ATF6: variants seen among roughly 807,000 people sequenced by gnomAD.
The protein encoded by ATF6 is cyclic AMP-dependent transcription factor ATF-6 alpha.
ATF6 carries 53 observed loss-of-function variants against 83.6 expected under a neutral mutation model. The observed-to-expected ratio is 0.63, with a 90% CI of 0.51 to 0.80. The LOEUF (loss-of-function observed/expected upper bound fraction) is 0.80. Ranked by LOEUF, ATF6 falls within the 30% of genes least tolerant of loss-of-function variation. ATF6 has a pLI of 0.00. For missense variants in ATF6, 744 were observed against 797.9 expected, an observed-to-expected ratio of 0.93 and a Z score of 0.81; for synonymous variants, 288 against 285.8, an observed-to-expected ratio of 1.01 and a Z score of -0.08.
chr1:161,855,249 G>T (rs1372869173), intron 12 of ATF6, among the ~76,000 whole-genome samples: 1 of 152,156 alleles, frequency 6.6e-6, no homozygotes, highest in Admixed American at 6.5e-5. Context: ...AGAAATTGTT[G>T]TGGTCCATAC....
At chr1:161,836,137 G>A (rs556918341) in intron 9 of ATF6, among the ~76,000 whole-genome samples, 6 of 152,262 alleles carry the variant, frequency 3.9e-5, no homozygotes, top group African/African-American at 1.4e-4. Flanking sequence ...GAGTCATGTG[G>A]AACTGGTTAG....
chr1:161,868,748 TTTAG>T (rs1262803222), intron 14 of ATF6, among the ~76,000 whole-genome samples: 4 of 149,990 alleles, frequency 2.7e-5, no homozygotes, highest in Non-Finnish European at 6.0e-5. Context: ...CAGTAGAAAG[TTTAG>T]TTAAAGATGA....
intron 10 of ATF6, among the ~76,000 whole-genome samples, chr1:161,848,855 C>T (rs1686544549): frequency 6.6e-6 from 1 of 152,046 alleles, no homozygotes; most frequent in African/African-American, 2.4e-5. Flanking sequence ...GTCTAATTGT[C>T]TCCAGATTGT....
chr1:161,875,777 C>G (rs1422477253), intron 14 of ATF6, among the ~76,000 whole-genome samples: 1 of 151,860 alleles, frequency 6.6e-6, no homozygotes, highest in Non-Finnish European at 1.5e-5. Context: ...AAGTGGTTTT[C>G]CTCTAGACAA....
At chr1:161,876,235 C>T (rs909248784) in intron 14 of ATF6, among the ~76,000 whole-genome samples, 1 of 151,898 alleles carries the variant, frequency 6.6e-6, no homozygotes, top group Non-Finnish European at 1.5e-5. Context: ...TTTATAGATT[C>T]TTCCATTTGT....
At chr1:161,809,141 C>T (rs1056027419) in intron 7 of ATF6, among the ~76,000 whole-genome samples, 5 of 152,104 alleles carry the variant, frequency 3.3e-5, no homozygotes, top group Non-Finnish European at 5.9e-5. Flanking sequence ...GTGTGTTGCA[C>T]CCATTAACTC....
chr1:161,860,411 T>G, intron 13 of ATF6, 134 bp downstream of exon 13: 1 of 230,902 alleles, frequency 4.3e-6, no homozygotes, highest in Non-Finnish European at 8.6e-6. Context: ...TACTCTAAGA[T>G]ATATATATAT....
chr1:161,874,871 G>A (rs1687178876), intron 14 of ATF6, among the ~76,000 whole-genome samples: 1 of 151,646 alleles, frequency 6.6e-6, no homozygotes, highest in Admixed American at 6.6e-5. Flanking sequence ...AGGTATGTTT[G>A]CATGTCTGTC....
At chr1:161,912,684 C>T (rs1688015457) in intron 15 of ATF6, among the ~76,000 whole-genome samples, 1 of 152,128 alleles carries the variant, frequency 6.6e-6, no homozygotes, top group Non-Finnish European at 1.5e-5. Flanking sequence ...TAAGAAGCCC[C>T]TGCTGTGTTC....
chr1:161,894,568 A>G (rs796432954), intron 14 of ATF6, among the ~76,000 whole-genome samples: 3 of 96,012 alleles, frequency 3.1e-5, no homozygotes, highest in Admixed American at 3.4e-4. Context: ...ACAGAGTTTC[A>G]CTCTGTCACC....
chr1:161,908,645 C>T (rs1490976978), intron 14 of ATF6, among the ~76,000 whole-genome samples: 6 of 151,376 alleles, frequency 4.0e-5, no homozygotes, highest in African/African-American at 9.7e-5. Flanking sequence ...CTAAGCCCTA[C>T]GGAAAGCCTC....
At chr1:161,876,650 T>G (rs1313255439) in intron 14 of ATF6, among the ~76,000 whole-genome samples, 6 of 152,048 alleles carry the variant, frequency 3.9e-5, no homozygotes, top group Non-Finnish European at 8.8e-5. Context: ...TTTTGTTGCA[T>G]AAGCGACAAG....
At chr1:161,821,465 T>C (rs1685761501) in intron 9 of ATF6, among the ~76,000 whole-genome samples, 1 of 152,180 alleles carries the variant, frequency 6.6e-6, no homozygotes, top group South Asian at 2.1e-4. Context: ...TCGATACATT[T>C]TTTGTTGAGT....
chr1:161,873,822 C>T (rs1687161251), intron 14 of ATF6, among the ~76,000 whole-genome samples: 1 of 151,570 alleles, frequency 6.6e-6, no homozygotes, highest in African/African-American at 2.4e-5. Flanking sequence ...CTATCTTAGT[C>T]ATGACTTTGT....
intron 14 of ATF6, among the ~76,000 whole-genome samples, chr1:161,868,607 A>G (rs538869524): frequency 1.3e-5 from 2 of 152,154 alleles, no homozygotes; most frequent in South Asian, 4.2e-4. Flanking sequence ...AGCCATTGAG[A>G]GAAGTCACAG....
chr1:161,939,223 TAGTTCTC>T (rs1688597197), intron 15 of ATF6, among the ~76,000 whole-genome samples: 1 of 152,232 alleles, frequency 6.6e-6, no homozygotes, highest in South Asian at 2.1e-4. Flanking sequence ...CATTAGATGC[TAGTTCTC>T]AGTCTCATTT....
chr1:161,854,374 G>A (rs1271714586), intron 12 of ATF6, among the ~76,000 whole-genome samples: 2 of 152,212 alleles, frequency 1.3e-5, no homozygotes, highest in Admixed American at 6.5e-5. Flanking sequence ...GGAAGAAAGA[G>A]TTTGGTGGAT....
intron 4 of ATF6, among the ~76,000 whole-genome samples, chr1:161,789,070 C>T (rs765938573): frequency 2.0e-5 from 3 of 151,834 alleles, no homozygotes; most frequent in Non-Finnish European, 2.9e-5. Flanking sequence ...TGTTTTGACA[C>T]AGGCATGCAA....
At chr1:161,938,813 C>T (rs530030585) in intron 15 of ATF6, among the ~76,000 whole-genome samples, 1 of 152,328 alleles carries the variant, frequency 6.6e-6, no homozygotes, top group South Asian at 2.1e-4. Context: ...GTAACTTCTT[C>T]ATACTGTATT....
Sources: gnomAD v4.1 joint callset for allele counts (sites outside exome capture counted in the v4.1 genomes callset) on GRCh38, gnomAD v4.1.1 for gene constraint, MANE v1.5 for transcripts, NCBI Gene and HGNC (gene_info 2026-07-23, HGNC 2026-07-21) for gene names.